Variants in ERP44 observed in about 807,000 individuals in gnomAD.
The protein encoded by ERP44 is endoplasmic reticulum protein 44.
Under a neutral mutation model 53.4 loss-of-function variants are expected in ERP44, and 25 were observed. That is an observed-to-expected ratio of 0.47 (90% confidence interval 0.34 to 0.65). The LOEUF is 0.65. Ranked by LOEUF, ERP44 falls within the 30% of genes least tolerant of loss-of-function variation. The pLI is 0.01. For synonymous variants in ERP44, 145 were observed against 161.2 expected, an observed-to-expected ratio of 0.90 and a Z score of 0.76; for missense variants, 338 against 493.2, an observed-to-expected ratio of 0.69 and a Z score of 2.98.
intron 3 of ERP44, among the ~76,000 whole-genome samples, chr9:100,056,412 A>G (rs536477388): frequency 4.4e-4 from 67 of 152,250 alleles, no homozygotes; most frequent in Non-Finnish European, 9.1e-4. Context: ...GACATTATGT[A>G]CTTATCAGCC....
intron 8 of ERP44, among the ~76,000 whole-genome samples, chr9:100,014,413 T>C (rs1830508498): frequency 6.6e-6 from 1 of 152,016 alleles, no homozygotes; most frequent in South Asian, 2.1e-4. Flanking sequence ...GCCTCCCGAG[T>C]AGCTGGGATT....
At position 100,089,897 on chromosome 9, in the gene ERP44, G is replaced by A. The variant is rs190996597; in HGVS notation, c.57+8887C>T. Reference sequence around the variant, plus strand: ...TTTCAGGCAGACACTGAGCATCTTGGAACATTACCTCCTGTGGATAAGAGG... The same window carrying A: ...TTTCAGGCAGACACTGAGCATCTTGAAACATTACCTCCTGTGGATAAGAGG... On this transcript the variant is annotated intron_variant, in intron 1 of 11. Coordinates refer to ENST00000262455, the MANE Select transcript of ERP44 (RefSeq NM_015051.3). Among the ~76,000 whole-genome samples the A allele has an allele frequency of 1.1e-3, 167 of 152,240 alleles. 1 individual carries two copies. The highest frequency in any genetic ancestry group is 2.3e-3 in the South Asian group (11 of 4,824).
intron 4 of ERP44, among the ~76,000 whole-genome samples, chr9:100,042,905 G>A (rs1825921949): frequency 6.6e-6 from 1 of 152,076 alleles, no homozygotes; most frequent in Admixed American, 6.6e-5. Context: ...GGTTACCAAA[G>A]GGTGGAAAGG....
At chr9:100,089,442 G>A (rs1216945069) in intron 1 of ERP44, among the ~76,000 whole-genome samples, 1 of 152,056 alleles carries the variant, frequency 6.6e-6, no homozygotes, top group Non-Finnish European at 1.5e-5. Context: ...TTAGCTGGGT[G>A]TAGTGGCGAG....
intron 10 of ERP44, chr9:99,998,566 G>A (rs1192958760): frequency 1.2e-5 from 9 of 731,376 alleles, no homozygotes; most frequent in African/African-American, 1.0e-4. Context: ...AGTCAGGCTC[G>A]TGGTGAGCTC....
intron 1 of ERP44, among the ~76,000 whole-genome samples, chr9:100,063,804 G>T (rs1394445559): frequency 1.3e-5 from 2 of 152,108 alleles, no homozygotes; most frequent in East Asian, 3.9e-4. Context: ...TCATTTTCTT[G>T]CCAAGAAAGC....
intron 1 of ERP44, among the ~76,000 whole-genome samples, chr9:100,067,584 T>C (rs1826229774): frequency 1.3e-5 from 2 of 152,280 alleles, no homozygotes; most frequent in East Asian, 1.9e-4. Flanking sequence ...CCCAAAGTGC[T>C]GAGATTGCAG....
At chr9:100,087,607 CTCTA>C (rs1826499821) in intron 1 of ERP44, among the ~76,000 whole-genome samples, 1 of 152,124 alleles carries the variant, frequency 6.6e-6, no homozygotes, top group African/African-American at 2.4e-5. Flanking sequence ...AGGTCTTTAT[CTCTA>C]TCTGATATGT....
intron 4 of ERP44, among the ~76,000 whole-genome samples, chr9:100,051,842 T>G (rs1826041413): frequency 6.6e-6 from 1 of 152,060 alleles, no homozygotes; most frequent in East Asian, 1.9e-4. Flanking sequence ...ACAAGCAAAA[T>G]GCAAGAGGTT....
chr9:100,026,738 T>C (rs1302875416), intron 4 of ERP44, among the ~76,000 whole-genome samples: 1 of 152,230 alleles, frequency 6.6e-6, no homozygotes, highest in African/African-American at 2.4e-5. Context: ...AAAGGTAAAC[T>C]AGCCTAGCTG....
At chr9:100,028,170 G>A in intron 4 of ERP44, among the ~76,000 whole-genome samples, 1 of 152,174 alleles carries the variant, frequency 6.6e-6, no homozygotes, top group East Asian at 1.9e-4. Flanking sequence ...TCAGGTATAT[G>A]GGTGCATGTG....
chr9:100,083,571 T>C (rs143336075), intron 1 of ERP44, among the ~76,000 whole-genome samples: 32 of 152,340 alleles, frequency 2.1e-4, no homozygotes, highest in African/African-American at 7.7e-4. Context: ...AGAATTTCTG[T>C]GCAGTCACAG....
intron 7 of ERP44, among the ~76,000 whole-genome samples, chr9:100,017,721 A>G (rs995385543): frequency 6.6e-6 from 1 of 152,174 alleles, no homozygotes; most frequent in African/African-American, 2.4e-5. Context: ...TGAATTTGGG[A>G]TAACATGTGC....
intron 1 of ERP44, among the ~76,000 whole-genome samples, chr9:100,090,989 T>C (rs1359999266): frequency 1.3e-5 from 2 of 152,212 alleles, no homozygotes; most frequent in East Asian, 3.8e-4. Context: ...GTCCCACTAC[T>C]AGACTATAAT....
chr9:100,043,291 A>AAAAAAAAAAAAAAAAAAAAAAACAG (rs1168903331), intron 4 of ERP44, among the ~76,000 whole-genome samples: 1 of 74,878 alleles, frequency 1.3e-5, no homozygotes, highest in African/African-American at 5.8e-5. Context: ...AAAAAAAAAA[A>AAAAAAAAAAAAAAAAAAAAAAACAG]GATAAATAAG....
chr9:100,008,424 A>G (rs1830440711), intron 8 of ERP44, among the ~76,000 whole-genome samples: 1 of 152,222 alleles, frequency 6.6e-6, no homozygotes, highest in African/African-American at 2.4e-5. Context: ...ATGATTAAAT[A>G]AAATGTGATA....
At chr9:100,066,258 G>A (rs549823611) in intron 1 of ERP44, among the ~76,000 whole-genome samples, 1 of 152,196 alleles carries the variant, frequency 6.6e-6, no homozygotes, top group Admixed American at 6.5e-5. Flanking sequence ...GCATTGACAT[G>A]CAAATTGCTG....
intron 11 of ERP44, among the ~76,000 whole-genome samples, chr9:99,984,023 A>G (rs553683182): frequency 3.3e-5 from 5 of 152,324 alleles, no homozygotes; most frequent in Admixed American, 6.5e-5. Flanking sequence ...GAGGAAAATA[A>G]TCACCTTTGG....
intron 1 of ERP44, among the ~76,000 whole-genome samples, chr9:100,095,549 T>C (rs1826617083): frequency 6.6e-6 from 1 of 152,188 alleles, no homozygotes; most frequent in Non-Finnish European, 1.5e-5. Flanking sequence ...GATAATGGTA[T>C]TGTGGTTTTG....
Sources: gnomAD v4.1 joint callset for allele counts (sites outside exome capture counted in the v4.1 genomes callset) on GRCh38, gnomAD v4.1.1 for gene constraint, MANE v1.5 for transcripts, NCBI Gene and HGNC (gene_info 2026-07-23, HGNC 2026-07-21) for gene names.